Variants in INSR observed in about 807,000 individuals in gnomAD.
INSR encodes the protein IR.
Under a neutral mutation model 142.6 loss-of-function variants are expected in INSR, and 67 were observed. That is an observed-to-expected ratio of 0.47 (90% CI 0.39 to 0.58). INSR has a LOEUF of 0.58. INSR is among the 20% of genes least tolerant of loss of function. The pLI, the probability that INSR is intolerant of heterozygous loss-of-function variation, is 0.00. For synonymous variants in INSR, 756 were observed against 743.1 expected, an observed-to-expected ratio of 1.02 and a Z score of -0.28; for missense variants, 1,248 against 1,833.2, an observed-to-expected ratio of 0.68 and a Z score of 5.83.
chr19:7,249,807 A>C (rs2145170457), intron 2 of INSR, among the ~76,000 whole-genome samples: 1 of 152,264 alleles, frequency 6.6e-6, no homozygotes, highest in South Asian at 2.1e-4. Context: ...CCTGGCTAAC[A>C]GGGTGAAACC....
chr19:7,270,869 G>A (rs1967905553), intron 1 of INSR, among the ~76,000 whole-genome samples: 1 of 152,004 alleles, frequency 6.6e-6, no homozygotes, highest in Non-Finnish European at 1.5e-5. Context: ...AACCATCCTG[G>A]TTAACACGGT....
rs10419413 is a variant in INSR at position 7,225,864 on chromosome 19, A to T, written c.653-41227T>A. On this transcript the variant is annotated intron_variant, in intron 2 of 21. Coordinates refer to ENST00000302850, the MANE Select transcript of INSR (RefSeq NM_000208.4). The surrounding 1 kb of genome is among the most constrained non-coding windows in gnomAD (Gnocchi z 4.7). ...TGCCATGCCTCGGGGGCGGCGCTCC[A>T]GGCATGGAATGGGTGGAAGCCAGGG... 0.8 allele frequency among the ~76,000 whole-genome samples: 122,321 copies of T among 152,090 alleles called. 49,378 individuals carry two copies. Among genetic ancestry groups the T allele is most frequent in the South Asian group, 0.86 (4,137 of 4,820 alleles).
chr19:7,216,101 C>T lies in INSR; in HGVS notation c.653-31464G>A, dbSNP rs12610776. 0.91 allele frequency among the ~76,000 whole-genome samples: 138,188 copies of T among 151,704 alleles called. 62,976 individuals carry two copies. Among genetic ancestry groups the T allele is most frequent in the South Asian group, 0.96 (4,575 of 4,788 alleles). Reference sequence around the variant, plus strand: ...ACTTTGGGAGGCCAAGGTGAGTGGACCACCTGAGGTCAGGAGTTCTAGATC... The same window carrying T: ...ACTTTGGGAGGCCAAGGTGAGTGGATCACCTGAGGTCAGGAGTTCTAGATC... On this transcript the variant is annotated intron_variant, in intron 2 of 21. Coordinates refer to ENST00000302850, the MANE Select transcript of INSR (RefSeq NM_000208.4). This position sits in a 1 kb window ranked among gnomAD's most constrained non-coding sequence, Gnocchi z 4.2.
chr19:7,170,799 C>T (rs749265750), intron 5 of INSR, 48 bp from the exon 6 acceptor site: 2 of 1,431,764 alleles, frequency 1.4e-6, no homozygotes, highest in South Asian at 1.1e-5. Context: ...TGGTCTTCTA[C>T]AACTCCAAGA....
In INSR at chr19:7,172,442, A is replaced by G; in HGVS notation, c.1124-8T>C. On this transcript the variant is annotated splice_region_variant and splice_polypyrimidine_tract_variant and intron_variant, in intron 4 of 21. Transcript: ENST00000302850. The stretch of plus-strand genomic sequence containing the variant: ...GCTCAGCTGCCAGATTGTCTAAGGA[A>G]AGGAGAGAATATCCAGTGGGTTTCT... 1 of 1,613,734 alleles carries G rather than the reference A, an allele frequency of 6.2e-7. No homozygotes were observed. Among genetic ancestry groups the G allele is most frequent in the Non-Finnish European group, 8.5e-7 (1 of 1,179,836 alleles).
chr19:7,230,535 G>A (rs1052532500), intron 2 of INSR, among the ~76,000 whole-genome samples: 1 of 152,130 alleles, frequency 6.6e-6, no homozygotes, highest in Non-Finnish European at 1.5e-5. Context: ...GGCTGGGTGA[G>A]GTGCTTCATG....
At chr19:7,235,444 C>T (rs542019629) in intron 2 of INSR, among the ~76,000 whole-genome samples, 33 of 152,250 alleles carry the variant, frequency 2.2e-4, no homozygotes, top group African/African-American at 7.2e-4. Context: ...TGCAAATATC[C>T]ATGTGTCTGG....
At chr19:7,228,748 A>G (rs1975860920) in intron 2 of INSR, among the ~76,000 whole-genome samples, 1 of 152,252 alleles carries the variant, frequency 6.6e-6, no homozygotes, top group South Asian at 2.1e-4. Flanking sequence ...CTATGCTACA[A>G]AATAATCACT....
At chr19:7,218,310 A>T (rs1975499360) in intron 2 of INSR, among the ~76,000 whole-genome samples, 1 of 151,922 alleles carries the variant, frequency 6.6e-6, no homozygotes. Context: ...CCAGAGAGAT[A>T]ATCCAGCTCC....
intron 2 of INSR, among the ~76,000 whole-genome samples, chr19:7,227,590 C>T (rs553696879): frequency 2.0e-5 from 3 of 152,232 alleles, no homozygotes; most frequent in East Asian, 3.9e-4. Flanking sequence ...GCATTCTCGT[C>T]GAAAGATCAC....
chr19:7,166,531 C>T lies in INSR; in HGVS notation c.1611-127G>A, dbSNP rs1973894330. The T allele has an allele frequency of 1.8e-5, 18 of 1,004,548 alleles. No homozygotes were observed. The South Asian group carries it at 2.5e-4, about 14-fold the overall frequency. 62.2% of individuals were successfully genotyped at this position (1,004,548 alleles called of 1,614,324 possible). ...TTACTCACCCAACAATCTAATGCCA[C>T]AAGAAAAAATAACTCGGGAACAGCC... On this transcript the variant is annotated intron_variant, in intron 7 of 21. Transcript: ENST00000302850. This position sits in a 1 kb window ranked among gnomAD's most constrained non-coding sequence, Gnocchi z 4.1.
Position 7,294,127 on chromosome 19 carries a change from G to T in INSR, c.-236C>A. The T allele has an allele frequency of 4.6e-6, 1 of 218,338 alleles. No homozygotes were observed. Among genetic ancestry groups the T allele is most frequent in the Non-Finnish European group, 8.5e-6 (1 of 118,316 alleles). 13.5% of individuals were successfully genotyped at this position (218,338 alleles called of 1,614,324 possible). On this transcript the variant is annotated 5_prime_UTR_variant, in exon 1 of 22. Coordinates refer to ENST00000302850, the MANE Select transcript of INSR (RefSeq NM_000208.4). ...CGGAGGCCCTTGCGGTGGTGGCCCC[G>T]ACCCCCCGGCCGCTGCGGCCCGGGC...
chr19:7,197,518 T>TGG (rs1477218468), intron 2 of INSR, among the ~76,000 whole-genome samples: 3 of 121,456 alleles, frequency 2.5e-5, no homozygotes, highest in Non-Finnish European at 4.9e-5. Context: ...GGAGTGGGGG[T>TGG]GTGTGTGTGT....
At chr19:7,198,731 A>C (rs1048980607) in intron 2 of INSR, among the ~76,000 whole-genome samples, 3 of 152,212 alleles carry the variant, frequency 2.0e-5, no homozygotes, top group Admixed American at 2.0e-4. Flanking sequence ...AACCATACTC[A>C]TAAATACATT....
At chr19:7,184,272 C>A in intron 3 of INSR, 44 bp downstream of exon 3, 1 of 1,567,612 alleles carries the variant, frequency 6.4e-7, no homozygotes, top group South Asian at 1.1e-5. Flanking sequence ...ACCCCACGTT[C>A]CTTCTCCTCT....
chr19:7,248,101 C>T (rs1263834646), intron 2 of INSR, among the ~76,000 whole-genome samples: 1 of 151,952 alleles, frequency 6.6e-6, no homozygotes, highest in Non-Finnish European at 1.5e-5. Context: ...GAGTTCAAGA[C>T]CAACCTGGGC....
intron 5 of INSR, among the ~76,000 whole-genome samples, chr19:7,171,415 C>T (rs1055316786): frequency 2.6e-5 from 4 of 152,154 alleles, no homozygotes; most frequent in African/African-American, 9.7e-5. Context: ...GGGGCTGAGG[C>T]AGCCATCTTG....
intron 9 of INSR, among the ~76,000 whole-genome samples, chr19:7,154,931 A>C (rs73503016): frequency 0.021 from 3,214 of 152,154 alleles, 122 homozygotes; most frequent in African/African-American, 0.073. Context: ...TCTCAAAAAA[A>C]GGCAACAACT....
At chr19:7,163,504 G>A (rs149690333) in intron 8 of INSR, among the ~76,000 whole-genome samples, 12,724 of 151,808 alleles carry the variant, frequency 0.084, 608 homozygotes, top group African/African-American at 0.11. Context: ...AGCTTGCAGT[G>A]AGCCGAGATT....
Sources: allele counts gnomAD v4.1 joint callset (sites outside exome capture counted in the v4.1 genomes callset), GRCh38; gene constraint gnomAD v4.1.1; non-coding constraint Gnocchi (gnomAD v3.1); transcripts MANE v1.5; gene names NCBI Gene and HGNC (gene_info 2026-07-23, HGNC 2026-07-21).